Variants in LRP1B observed in about 807,000 individuals in gnomAD.
LRP1B encodes the protein LDL receptor related protein 1B.
In LRP1B, 217 loss-of-function variants were observed where a neutral mutation model predicts 556.6. The ratio of observed to expected loss-of-function variants is 0.39; its 90% CI spans 0.35 to 0.44. The LOEUF is 0.44. Ranked by LOEUF, LRP1B falls within the 20% of genes least tolerant of loss-of-function variation. The probability of loss-of-function intolerance (pLI) is 1.00; values close to 1 mark genes in which losing one functional copy is unlikely to be tolerated. For missense variants in LRP1B, 5,053 were observed against 5,620.8 expected (o/e 0.90, Z 3.23); for synonymous variants, 2,047 against 1,865.8 (o/e 1.10, Z -2.50).
chr2:140,576,632 T>G (rs1681536557), intron 43 of LRP1B, among the ~76,000 whole-genome samples: 1 of 152,174 alleles, frequency 6.6e-6, no homozygotes, highest in Non-Finnish European at 1.5e-5. Context: ...CCCTTGCCAC[T>G]TCCTGCCCCC....
At chr2:140,568,916 T>A (rs1486061913) in intron 43 of LRP1B, among the ~76,000 whole-genome samples, 1 of 151,790 alleles carries the variant, frequency 6.6e-6, no homozygotes, top group Non-Finnish European at 1.5e-5. Context: ...TAAGGAGAAA[T>A]CAAATATTTC....
At chr2:141,113,489 T>C (rs1023593764) in intron 7 of LRP1B, among the ~76,000 whole-genome samples, 1 of 152,202 alleles carries the variant, frequency 6.6e-6, no homozygotes, top group Non-Finnish European at 1.5e-5. Flanking sequence ...AATTTTAAAA[T>C]CTTTTCTTAA....
At chr2:141,382,620 G>T (rs899748982) in intron 3 of LRP1B, among the ~76,000 whole-genome samples, 3 of 152,178 alleles carry the variant, frequency 2.0e-5, no homozygotes, top group Non-Finnish European at 4.4e-5. Flanking sequence ...CTCACAGCAG[G>T]TCCTGAGAGG....
intron 3 of LRP1B, among the ~76,000 whole-genome samples, chr2:141,389,497 G>T (rs1213420222): frequency 6.6e-6 from 1 of 151,906 alleles, no homozygotes; most frequent in Admixed American, 6.6e-5. Context: ...TTAAACATAG[G>T]GAGAGCTAAA....
intron 41 of LRP1B, among the ~76,000 whole-genome samples, chr2:140,627,139 G>A (rs1326942494): frequency 6.6e-6 from 1 of 152,148 alleles, no homozygotes; most frequent in African/African-American, 2.4e-5. Context: ...AAGCAATGAG[G>A]ATATGGGTGG....
At chr2:141,871,668 G>A (rs1698591252) in intron 1 of LRP1B, among the ~76,000 whole-genome samples, 1 of 151,884 alleles carries the variant, frequency 6.6e-6, no homozygotes, top group Non-Finnish European at 1.5e-5. Context: ...AATTGTATAA[G>A]ACTATTTATA....
intron 2 of LRP1B, among the ~76,000 whole-genome samples, chr2:141,569,308 G>A (rs1686446904): frequency 6.6e-6 from 1 of 150,860 alleles, no homozygotes; most frequent in Admixed American, 6.6e-5. Context: ...CACTGAAGAG[G>A]AGGATTTTAA....
At chr2:140,519,295 G>A (rs564954636) in intron 49 of LRP1B, among the ~76,000 whole-genome samples, 2 of 152,110 alleles carry the variant, frequency 1.3e-5, no homozygotes, top group African/African-American at 2.4e-5. Flanking sequence ...AGAGGCCTCA[G>A]AAATAACACT....
At chr2:141,866,776 G>A (rs899310925) in intron 1 of LRP1B, among the ~76,000 whole-genome samples, 5 of 151,622 alleles carry the variant, frequency 3.3e-5, no homozygotes, top group African/African-American at 1.2e-4. Flanking sequence ...GGAGAAAAGG[G>A]GACAGGATAT....
At chr2:142,088,300 A>C (rs1398882674) in intron 1 of LRP1B, among the ~76,000 whole-genome samples, 1 of 152,184 alleles carries the variant, frequency 6.6e-6, no homozygotes, top group African/African-American at 2.4e-5. Flanking sequence ...CTTTCTCAGC[A>C]ATCAGTCCTA....
chr2:140,483,890 C>T (rs927953940), intron 59 of LRP1B, among the ~76,000 whole-genome samples: 1 of 151,786 alleles, frequency 6.6e-6, no homozygotes, highest in Non-Finnish European at 1.5e-5. Flanking sequence ...ATCCATCCGC[C>T]TCGGCGCCCA....
At chr2:140,953,768 C>A in intron 18 of LRP1B, among the ~76,000 whole-genome samples, 1 of 152,136 alleles carries the variant, frequency 6.6e-6, no homozygotes, top group South Asian at 2.1e-4. Flanking sequence ...TATGTCCAAT[C>A]ATTTTAGCTA....
intron 43 of LRP1B, among the ~76,000 whole-genome samples, chr2:140,579,338 G>T (rs1681666243): frequency 6.6e-6 from 1 of 150,710 alleles, no homozygotes; most frequent in East Asian, 2.0e-4. Flanking sequence ...TAATTTCTCT[G>T]ATCTGAAAGG....
In LRP1B at chr2:141,015,943, G is replaced by A. The variant is rs767676913; in HGVS notation, c.1971-28C>T. 3.9e-6 allele frequency: 6 copies of A among 1,538,970 alleles called. No individual in the cohort carries two copies. In the African/African-American group the frequency reaches 8.2e-5, roughly 21 times the overall value. On this transcript the variant is annotated intron_variant, in intron 12 of 90. Transcript: ENST00000389484. The stretch of plus-strand genomic sequence containing the variant: ...AAGACATTAAAAAAACAACAAAAAT[G>A]CATACATGTTATTACAACCAGCCAC...
At chr2:140,734,010 A>G (rs1687865602) in intron 35 of LRP1B, among the ~76,000 whole-genome samples, 1 of 152,176 alleles carries the variant, frequency 6.6e-6, no homozygotes, top group African/African-American at 2.4e-5. Flanking sequence ...CCTCAACGAA[A>G]TTACAATACA....
At position 140,441,048 on chromosome 2, in the gene LRP1B, A is replaced by C. The variant is rs115729529; in HGVS notation, c.10414+1456T>G. Among the ~76,000 whole-genome samples the C allele has an allele frequency of 2.3e-3, 346 of 152,254 alleles. 1 individual carries two copies. The highest frequency in any genetic ancestry group is 7.7e-3 in the African/African-American group (321 of 41,558). Reference sequence around the variant, plus strand: ...ATAGGGGTAATAAAGAGATTAAGTAAGATAATCACTCTAAAGCTTTTAACA... The same window carrying C: ...ATAGGGGTAATAAAGAGATTAAGTACGATAATCACTCTAAAGCTTTTAACA... On this transcript the variant is annotated intron_variant, in intron 66 of 90. Coordinates refer to ENST00000389484, the MANE Select transcript of LRP1B (RefSeq NM_018557.3).
chr2:140,954,807 A>G (rs1695824418), intron 18 of LRP1B, among the ~76,000 whole-genome samples: 1 of 152,148 alleles, frequency 6.6e-6, no homozygotes, highest in South Asian at 2.1e-4. Flanking sequence ...TTAATTTTTT[A>G]ATGATAGTTA....
At chr2:141,167,358 T>G (rs1438562355) in intron 7 of LRP1B, 1 of 151,928 alleles carries the variant, frequency 6.6e-6, no homozygotes, top group Non-Finnish European at 1.5e-5. Flanking sequence ...AAGTGGCAAT[T>G]AACATTTTTA....
chr2:140,622,078 GA>G (rs1683478452), intron 41 of LRP1B, among the ~76,000 whole-genome samples: 1 of 152,096 alleles, frequency 6.6e-6, no homozygotes, highest in Admixed American at 6.5e-5. Context: ...CAAATTTAAG[GA>G]AAAGCATCAA....
Sources: gnomAD v4.1 joint callset for allele counts (sites outside exome capture counted in the v4.1 genomes callset) on GRCh38, gnomAD v4.1.1 for gene constraint, MANE v1.5 for transcripts, NCBI Gene and HGNC (gene_info 2026-07-23, HGNC 2026-07-21) for gene names.